SHLD1: variants seen among roughly 807,000 people sequenced by gnomAD.
SHLD1 encodes the protein RINN1-REV7-interacting novel NHEJ regulator 3.
Under a neutral mutation model 5.5 loss-of-function variants are expected in SHLD1, and 3 were observed. The ratio of observed to expected loss-of-function variants is 0.54; its 90% CI spans 0.25 to 1.40. SHLD1 has a LOEUF of 1.40. Among genes scored for constraint, SHLD1 ranks in the 40% most tolerant of loss-of-function variants. The pLI, the probability that SHLD1 is intolerant of heterozygous loss-of-function variation, is 0.15. For synonymous variants in SHLD1, 92 were observed against 94.3 expected, an observed-to-expected ratio of 0.98 and a Z score of 0.14; for missense variants, 210 against 244.4, an observed-to-expected ratio of 0.86 and a Z score of 0.94.
chr20:5,750,503 G>C (rs1416823343), intron 1 of SHLD1, 24 bp downstream of exon 1: 1 of 143,798 alleles, frequency 7.0e-6, no homozygotes, highest in Non-Finnish European at 1.5e-5. Flanking sequence ...GGGATGGGGG[G>C]GGGTTGGAGT....
At chr20:5,767,377 A>G (rs1006366131) in intron 1 of SHLD1, among the ~76,000 whole-genome samples, 1 of 152,060 alleles carries the variant, frequency 6.6e-6, no homozygotes, top group Non-Finnish European at 1.5e-5. Context: ...TTGAGCAGCA[A>G]TCCTCCTGCC....
intron 1 of SHLD1, among the ~76,000 whole-genome samples, chr20:5,755,018 T>G (rs1983987261): frequency 6.6e-6 from 1 of 150,548 alleles, no homozygotes; most frequent in Non-Finnish European, 1.5e-5. Flanking sequence ...ATCGTGCCAT[T>G]GCACTCCAGC....
At chr20:5,848,226 A>G (rs2087955001) in intron 2 of SHLD1, among the ~76,000 whole-genome samples, 1 of 152,246 alleles carries the variant, frequency 6.6e-6, no homozygotes, top group Admixed American at 6.5e-5. Flanking sequence ...GTATGTGTGT[A>G]TATATTTATA....
rs751184488 is a variant in SHLD1, at chr20:5,863,164, G to A, written c.319G>A (p.Gly107Ser). The A allele has an allele frequency of 2.5e-6, 4 of 1,614,124 alleles. No individual in the cohort carries two copies. In the South Asian group the frequency reaches 4.4e-5, roughly 18 times the overall value. The change falls in exon 3 of 3, where the codon GGT becomes AGT. Residue 107 changes from glycine to serine, a missense_variant. Coordinates refer to ENST00000303142, the MANE Select transcript of SHLD1 (RefSeq NM_152504.4). Reference sequence around the variant, plus strand: ...CCTGGATAGATTCTATGAAATGTTTGGTCATCCACAGCCAGGCTCTGCAAA... The same window carrying A: ...CCTGGATAGATTCTATGAAATGTTTAGTCATCCACAGCCAGGCTCTGCAAA... ...KSLDRFYEMF[G>S]HPQPGSANSL...
At chr20:5,759,296 A>G (rs1280214917) in intron 1 of SHLD1, among the ~76,000 whole-genome samples, 1 of 148,358 alleles carries the variant, frequency 6.7e-6, no homozygotes, top group Admixed American at 6.8e-5. Flanking sequence ...GTCTTGCTCT[A>G]TTGCCCAGGC....
intron 2 of SHLD1, among the ~76,000 whole-genome samples, chr20:5,827,207 A>G (rs1307279412): frequency 6.6e-6 from 1 of 152,168 alleles, no homozygotes; most frequent in Non-Finnish European, 1.5e-5. Flanking sequence ...AGCTGTGTGG[A>G]GGGGCTGTCT....
chr20:5,852,083 C>T (rs1023021096), intron 2 of SHLD1, among the ~76,000 whole-genome samples: 10 of 152,132 alleles, frequency 6.6e-5, no homozygotes, highest in African/African-American at 2.4e-4. Flanking sequence ...TTAATAAAAG[C>T]TCCCTGAGGC....
At chr20:5,800,190 A>T (rs1019075576) in intron 2 of SHLD1, among the ~76,000 whole-genome samples, 2 of 152,226 alleles carry the variant, frequency 1.3e-5, no homozygotes, top group Non-Finnish European at 2.9e-5. Flanking sequence ...CAGCCCAAAC[A>T]TGTCAATAGT....
chr20:5,796,437 G>A (rs2087213506), intron 2 of SHLD1, among the ~76,000 whole-genome samples: 1 of 152,092 alleles, frequency 6.6e-6, no homozygotes, highest in South Asian at 2.1e-4. Context: ...CTATGTGAAA[G>A]GCACCCTATG....
At chr20:5,764,158 T>TATATATATATATTTTTATA (rs1568490077) in intron 1 of SHLD1, among the ~76,000 whole-genome samples, 40 of 72,018 alleles carry the variant, frequency 5.6e-4, no homozygotes, top group African/African-American at 2.0e-3. Context: ...ATATTTATAT[T>TATATATATATATTTTTATA]TATATATATA....
intron 2 of SHLD1, among the ~76,000 whole-genome samples, chr20:5,824,944 A>C (rs1360393924): frequency 6.6e-6 from 1 of 152,192 alleles, no homozygotes; most frequent in East Asian, 1.9e-4. Flanking sequence ...GCTTAGCTAA[A>C]CCATGTCCTT....
chr20:5,778,604 C>CA (rs59026745), intron 2 of SHLD1, among the ~76,000 whole-genome samples: 1,458 of 96,518 alleles, frequency 0.015, 19 homozygotes, highest in African/African-American at 0.028. Context: ...AAGACCTTGT[C>CA]AAAAAAAAAA....
At chr20:5,811,788 C>T (rs1470213762) in intron 2 of SHLD1, among the ~76,000 whole-genome samples, 2 of 151,300 alleles carry the variant, frequency 1.3e-5, no homozygotes, top group Non-Finnish European at 2.9e-5. Flanking sequence ...CCCAGGAGGT[C>T]GAGGCTGCAG....
intron 2 of SHLD1, among the ~76,000 whole-genome samples, chr20:5,853,287 A>C (rs1219290225): frequency 6.6e-6 from 1 of 152,090 alleles, no homozygotes; most frequent in Non-Finnish European, 1.5e-5. Flanking sequence ...CTCTACTAAA[A>C]ATACAAAAAT....
chr20:5,810,187 G>A (rs1335015803), intron 2 of SHLD1, among the ~76,000 whole-genome samples: 3 of 151,856 alleles, frequency 2.0e-5, no homozygotes, highest in Non-Finnish European at 4.4e-5. Flanking sequence ...AACCCGGGTG[G>A]TGGAGGTTGC....
At chr20:5,801,114 A>T (rs411311) in intron 2 of SHLD1, among the ~76,000 whole-genome samples, 3 of 149,056 alleles carry the variant, frequency 2.0e-5, no homozygotes, top group Admixed American at 1.3e-4. Context: ...TTTCTCTCTT[A>T]TCACCCAGGC....
intron 2 of SHLD1, among the ~76,000 whole-genome samples, chr20:5,857,148 G>C (rs1028607678): frequency 2.0e-5 from 3 of 152,106 alleles, no homozygotes; most frequent in Admixed American, 6.5e-5. Context: ...GCCAATTTTT[G>C]TGTTTTTAGT....
intron 2 of SHLD1, among the ~76,000 whole-genome samples, chr20:5,785,666 C>T (rs1408073299): frequency 6.6e-6 from 1 of 151,858 alleles, no homozygotes; most frequent in Non-Finnish European, 1.5e-5. Context: ...CATGGTGGTA[C>T]ACGCCTGTAG....
At chr20:5,844,793 A>ATTTT (rs1167953728) in intron 2 of SHLD1, among the ~76,000 whole-genome samples, 16 of 96,164 alleles carry the variant, frequency 1.7e-4, no homozygotes, top group African/African-American at 1.1e-3. Flanking sequence ...ATATATATAT[A>ATTTT]TATATATTTT....
Sources: allele counts gnomAD v4.1 joint callset (sites outside exome capture counted in the v4.1 genomes callset), GRCh38; gene constraint gnomAD v4.1.1; transcripts MANE v1.5; gene names NCBI Gene and HGNC (gene_info 2026-07-23, HGNC 2026-07-21).